Variants in NAA16 observed in about 807,000 individuals in gnomAD.
The protein encoded by NAA16 is NARG1-like protein.
NAA16 carries 97 observed loss-of-function variants against 110.3 expected under a neutral mutation model. That is an observed-to-expected ratio of 0.88 (90% CI 0.75 to 1.04). The LOEUF (loss-of-function observed/expected upper bound fraction) is 1.04, where lower values mean the gene tolerates loss of function less well. Among genes scored for constraint, NAA16 ranks in the 50% least tolerant of loss-of-function variants. The pLI is 0.00. For synonymous variants in NAA16, 372 were observed against 330.6 expected, an observed-to-expected ratio of 1.13 and a Z score of -1.36; for missense variants, 1,017 against 1,005.1, an observed-to-expected ratio of 1.01 and a Z score of -0.16.
intron 12 of NAA16, among the ~76,000 whole-genome samples, chr13:41,359,743 T>C (rs2043073288): frequency 6.6e-6 from 1 of 152,052 alleles, no homozygotes; most frequent in Non-Finnish European, 1.5e-5. Flanking sequence ...CAAGAAAATA[T>C]AAAGGAGCTT....
chr13:41,369,160 A>G lies in NAA16; in HGVS notation c.1824A>G (p.Leu608=), dbSNP rs140592031. The change falls in exon 15 of 20, where the codon CTA becomes CTG. Residue 608 remains leucine, a synonymous_variant. Transcript: ENST00000379406. ...KQRRAQKKAK[L]EEERKHAERE... ...GAAGAGCTCAGAAAAAGGCTAAACT[A>G]GAAGAAGAAAGAAAGCATGCAGAAA... 5 of 1,595,958 alleles carry G rather than the reference A, an allele frequency of 3.1e-6. No individual in the cohort carries two copies. The African/African-American group carries it at 5.4e-5, about 17-fold the overall frequency.
rs753549430 is a variant in NAA16 at position 41,369,188 on chromosome 13, G to T, written c.1852G>T (p.Glu618Ter). 1.3e-6 allele frequency: 2 copies of T among 1,596,006 alleles called. No individual in the cohort carries two copies. The highest frequency in any genetic ancestry group is 1.7e-6 in the Non-Finnish European group (2 of 1,171,460). The change falls in exon 15 of 20, where the codon GAA becomes TAA. Residue 618 changes from glutamate (E) to a stop codon, truncating the protein, a stop_gained. Coordinates refer to ENST00000379406, the MANE Select transcript of NAA16 (RefSeq NM_024561.5). LOFTEE classifies it high-confidence loss of function. ...LEEERKHAERERQQKNQKKKR... is the reference protein window; with the variant it reads ...LEEERKHAER Reference sequence around the variant, plus strand: ...AGAAGAAAGAAAGCATGCAGAAAGAGAACGTCAACAGAAAAATCAAAAGAA... The same window carrying T: ...AGAAGAAAGAAAGCATGCAGAAAGATAACGTCAACAGAAAAATCAAAAGAA...
intron 1 of NAA16, among the ~76,000 whole-genome samples, chr13:41,312,901 T>C (rs769372359): frequency 3.3e-5 from 5 of 152,180 alleles, no homozygotes; most frequent in Non-Finnish European, 7.4e-5. Context: ...TCATTGGGCT[T>C]TGTATTTTTT....
intron 10 of NAA16, 56 bp from the exon 11 acceptor site, chr13:41,358,248 A>G: frequency 2.1e-6 from 3 of 1,428,424 alleles, no homozygotes; most frequent in Non-Finnish European, 2.9e-6. Flanking sequence ...GAGAGAGAAA[A>G]TATGTGATTT....
chr13:41,348,174 A>AT (rs370634037), intron 9 of NAA16, among the ~76,000 whole-genome samples: 23 of 148,780 alleles, frequency 1.5e-4, no homozygotes, highest in East Asian at 5.9e-4. Flanking sequence ...ACCAATTTTT[A>AT]TTTTTTTTTT....
chr13:41,371,497 C>T (rs930226604), intron 15 of NAA16, among the ~76,000 whole-genome samples: 1 of 152,162 alleles, frequency 6.6e-6, no homozygotes, highest in African/African-American at 2.4e-5. Flanking sequence ...ACTAGCCCTT[C>T]ACCCTTCAGC....
chr13:41,320,674 T>C lies in NAA16; in HGVS notation c.252T>C (p.His84=), dbSNP rs777747025. ...GTTTCCTTAACTTAATAGGTTGGCA[T>C]GTATATGGACTCTTGCAGCGTTCTG... The part of the protein sequence containing the change: ...RNDVKSHVCW[H]VYGLLQRSDK... The change falls in exon 4 of 20, where the codon CAT becomes CAC. Residue 84 remains histidine, a synonymous_variant. Coordinates refer to ENST00000379406, the MANE Select transcript of NAA16 (RefSeq NM_024561.5). The C allele has an allele frequency of 5.0e-6, 8 of 1,602,092 alleles. No individual in the cohort carries two copies. The highest frequency in any genetic ancestry group is 1.7e-5 in the Admixed American group (1 of 57,832).
chr13:41,340,647 G>GTTTTTTTTTTT (rs754237653), intron 9 of NAA16, among the ~76,000 whole-genome samples: 2 of 43,598 alleles, frequency 4.6e-5, no homozygotes, highest in African/African-American at 7.9e-5. Flanking sequence ...TTTTGAGTGA[G>GTTTTTTTTTTT]TTTTTTTTTT....
Position 41,325,733 on chromosome 13 carries a change from A to C in NAA16, c.573A>C (p.Glu191Asp). The change falls in exon 6 of 20, where the codon GAA (glutamate) becomes GAC (aspartate). Residue 191 changes from glutamate to aspartate, a missense_variant. By Grantham distance (45) the Glu-to-Asp change is conservative. Transcript: ENST00000379406. ...ACAAAATAGATTATGAATATAGTGAATTGATATTATACCAGAATCAAGTGA... is the reference window on the plus strand; with the variant it reads ...ACAAAATAGATTATGAATATAGTGACTTGATATTATACCAGAATCAAGTGA... ...PPNKIDYEYS[E>D]LILYQNQVMR... The C allele has an allele frequency of 6.3e-7, 1 of 1,595,400 alleles. No individual in the cohort carries two copies. Among genetic ancestry groups the C allele is most frequent in the Non-Finnish European group, 8.6e-7 (1 of 1,166,942 alleles).
chr13:41,349,066 A>G (rs2042759222), intron 9 of NAA16, among the ~76,000 whole-genome samples: 1 of 152,136 alleles, frequency 6.6e-6, no homozygotes, highest in Non-Finnish European at 1.5e-5. Context: ...CTTGATCTAA[A>G]GAGCCAGGTT....
At chr13:41,353,373 TTA>T (rs1284069044) in intron 9 of NAA16, among the ~76,000 whole-genome samples, 5 of 152,154 alleles carry the variant, frequency 3.3e-5, no homozygotes, top group African/African-American at 1.2e-4. Context: ...TCTGTTAACT[TTA>T]ATTTTGCTTA....
At chr13:41,332,576 CTTTATT>C (rs996417078) in intron 8 of NAA16, among the ~76,000 whole-genome samples, 2 of 152,036 alleles carry the variant, frequency 1.3e-5, no homozygotes, top group East Asian at 1.9e-4. Context: ...TTGTTGAAGT[CTTTATT>C]TTTAGTTGTA....
At chr13:41,361,073 C>T (rs1303047113) in intron 12 of NAA16, among the ~76,000 whole-genome samples, 1 of 152,160 alleles carries the variant, frequency 6.6e-6, no homozygotes, top group East Asian at 1.9e-4. Flanking sequence ...TGTATCTTTG[C>T]ATCCTTTCCT....
chr13:41,373,369 T>C, intron 17 of NAA16: 1 of 300,678 alleles, frequency 3.3e-6, no homozygotes, highest in South Asian at 1.3e-4. Flanking sequence ...GTGATTCTCC[T>C]GACTCAGCCT....
At chr13:41,323,770 C>G (rs888108240) in intron 5 of NAA16, among the ~76,000 whole-genome samples, 12 of 152,196 alleles carry the variant, frequency 7.9e-5, no homozygotes, top group African/African-American at 2.9e-4. Flanking sequence ...CAGGCATGAG[C>G]CACCACGCCT....
chr13:41,331,174 A>G, intron 7 of NAA16, 100 bp from the exon 8 acceptor site: 1 of 674,844 alleles, frequency 1.5e-6, no homozygotes, highest in Non-Finnish European at 2.5e-6. Flanking sequence ...AATATTGTTA[A>G]TGCAGTTTTA....
intron 5 of NAA16, among the ~76,000 whole-genome samples, chr13:41,324,363 C>CTTTTTTTTTT (rs71086562): frequency 1.4e-4 from 9 of 66,062 alleles, no homozygotes; most frequent in Admixed American, 2.1e-4. Flanking sequence ...TTCTTTCTTT[C>CTTTTTTTTTT]TTTTTTTTTT....
At chr13:41,318,948 C>A in intron 3 of NAA16, 38 bp downstream of exon 3, 3 of 1,323,206 alleles carry the variant, frequency 2.3e-6, no homozygotes, top group Non-Finnish European at 2.1e-6. Flanking sequence ...TATGTTTTAG[C>A]TAGTTTTTTC....
At chr13:41,320,635 C>A in intron 3 of NAA16, 32 bp from the exon 4 acceptor site, 1 of 1,544,926 alleles carries the variant, frequency 6.5e-7, no homozygotes, top group South Asian at 1.2e-5. Flanking sequence ...ATTCTAGTGT[C>A]TGTGTATGTC....
Sources: gnomAD v4.1 joint callset for allele counts (sites outside exome capture counted in the v4.1 genomes callset) on GRCh38, gnomAD v4.1.1 for gene constraint, MANE v1.5 for transcripts, NCBI Gene and HGNC (gene_info 2026-07-23, HGNC 2026-07-21) for gene names.